The following CCDC192 variants were observed in gnomAD, a reference collection of about 807,000 sequenced individuals.
CCDC192 encodes coiled-coil domain containing 192.
intron 3 of CCDC192, among the ~76,000 whole-genome samples, chr5:127,762,584 G>A (rs1481774769): frequency 6.6e-6 from 1 of 152,156 alleles, no homozygotes; most frequent in Non-Finnish European, 1.5e-5. Flanking sequence ...TGTTGCAGGC[G>A]GGATGTGTGG....
chr5:127,744,239 G>A (rs575891936), intron 2 of CCDC192, among the ~76,000 whole-genome samples: 11 of 152,070 alleles, frequency 7.2e-5, no homozygotes, highest in African/African-American at 1.9e-4. Context: ...TGCCCAGGGT[G>A]AGGGGCTGAG....
chr5:127,826,393 A>AT (rs1687477252), intron 5 of CCDC192, among the ~76,000 whole-genome samples: 1 of 152,050 alleles, frequency 6.6e-6, no homozygotes, highest in Admixed American at 6.6e-5. Context: ...CAAAGAACTT[A>AT]AAACAGAGCT....
At chr5:127,864,956 G>A (rs1328075414) in intron 5 of CCDC192, among the ~76,000 whole-genome samples, 1 of 152,150 alleles carries the variant, frequency 6.6e-6, no homozygotes, top group South Asian at 2.1e-4. Flanking sequence ...GGCCATCCTG[G>A]CTAACATGGT....
chr5:127,932,767 G>T (rs1339919542), intron 6 of CCDC192, among the ~76,000 whole-genome samples: 2 of 152,160 alleles, frequency 1.3e-5, no homozygotes, highest in Non-Finnish European at 2.9e-5. Context: ...AAAAAGCTCT[G>T]CTTTCATGGA....
intron 5 of CCDC192, among the ~76,000 whole-genome samples, chr5:127,865,103 C>T (rs111500887): frequency 0.01 from 1,523 of 152,114 alleles, 15 homozygotes; most frequent in African/African-American, 0.035. Flanking sequence ...CCGGAGATCA[C>T]GACACTGCAC....
At chr5:127,768,374 T>C (rs986309909) in intron 3 of CCDC192, among the ~76,000 whole-genome samples, 4 of 152,156 alleles carry the variant, frequency 2.6e-5, no homozygotes, top group African/African-American at 9.7e-5. Flanking sequence ...GAGAAAGCCA[T>C]GTGAACCTGA....
chr5:127,839,698 C>T (rs1050022864), intron 5 of CCDC192, among the ~76,000 whole-genome samples: 1 of 152,028 alleles, frequency 6.6e-6, no homozygotes, highest in East Asian at 1.9e-4. Flanking sequence ...GACTGTACAG[C>T]CTCGTGACCT....
intron 3 of CCDC192, among the ~76,000 whole-genome samples, chr5:127,757,992 A>G (rs1250433086): frequency 6.6e-6 from 1 of 151,966 alleles, no homozygotes; most frequent in Non-Finnish European, 1.5e-5. Context: ...GTGAAGTAGA[A>G]TGAGGTGGGG....
At chr5:127,754,880 A>C (rs1037961046) in intron 3 of CCDC192, among the ~76,000 whole-genome samples, 2 of 152,210 alleles carry the variant, frequency 1.3e-5, no homozygotes, top group African/African-American at 4.8e-5. Context: ...GCAGGTGATA[A>C]GTGGAGCCTG....
At chr5:127,869,468 C>G (rs985258145) in intron 5 of CCDC192, among the ~76,000 whole-genome samples, 2 of 152,226 alleles carry the variant, frequency 1.3e-5, no homozygotes, top group Non-Finnish European at 2.9e-5. Flanking sequence ...GGGGAGGGAA[C>G]AGTGCCATAT....
At chr5:127,895,235 A>G (rs1315006787) in intron 6 of CCDC192, among the ~76,000 whole-genome samples, 1 of 152,128 alleles carries the variant, frequency 6.6e-6, no homozygotes, top group Admixed American at 6.5e-5. Flanking sequence ...CTTAAATGCA[A>G]TGAGTTCTCT....
intron 5 of CCDC192, among the ~76,000 whole-genome samples, chr5:127,875,049 C>A (rs986977959): frequency 6.6e-6 from 1 of 152,056 alleles, no homozygotes; most frequent in Non-Finnish European, 1.5e-5. Flanking sequence ...TACTAAATAT[C>A]AGAAAACACC....
chr5:127,706,326 A>C (rs570993304), intron 1 of CCDC192, among the ~76,000 whole-genome samples: 1 of 152,160 alleles, frequency 6.6e-6, no homozygotes, highest in African/African-American at 2.4e-5. Context: ...TAAGAGATCG[A>C]GACCATCCTG....
At chr5:127,894,421 GACCTCGTGATCCA>G (rs1392985003) in intron 6 of CCDC192, among the ~76,000 whole-genome samples, 1 of 151,906 alleles carries the variant, frequency 6.6e-6, no homozygotes, top group East Asian at 1.9e-4. Context: ...TCGATCTCCT[GACCTCGTGATCCA>G]CCCGCCTCGG....
At chr5:127,748,687 A>T (rs975523704) in intron 2 of CCDC192, among the ~76,000 whole-genome samples, 2 of 141,108 alleles carry the variant, frequency 1.4e-5, no homozygotes, top group African/African-American at 5.0e-5. Flanking sequence ...GAATCTGTAA[A>T]TTACCTTGGG....
At chr5:127,843,432 A>G (rs967045293) in intron 5 of CCDC192, among the ~76,000 whole-genome samples, 3 of 147,910 alleles carry the variant, frequency 2.0e-5, no homozygotes, top group African/African-American at 7.5e-5. Context: ...TAATTATCCA[A>G]GAATAACTCT....
intron 6 of CCDC192, among the ~76,000 whole-genome samples, chr5:127,919,944 C>A (rs922279858): frequency 6.6e-6 from 1 of 152,190 alleles, no homozygotes; most frequent in Non-Finnish European, 1.5e-5. Flanking sequence ...TGGCTAGCAG[C>A]CACTTACTCT....
intron 2 of CCDC192, among the ~76,000 whole-genome samples, chr5:127,731,145 C>G (rs182509552): frequency 6.6e-6 from 1 of 152,172 alleles, no homozygotes; most frequent in African/African-American, 2.4e-5. Context: ...GCTTCTTAAG[C>G]TGATAAGCAA....
intron 5 of CCDC192, among the ~76,000 whole-genome samples, chr5:127,819,802 G>T (rs1015108483): frequency 1.6e-4 from 24 of 152,158 alleles, no homozygotes; most frequent in Non-Finnish European, 3.4e-4. Flanking sequence ...CAAGGTTAGA[G>T]AATCATCTTT....
Sources: allele counts gnomAD v4.1 joint callset (sites outside exome capture counted in the v4.1 genomes callset), GRCh38; gene constraint gnomAD v4.1.1; transcripts MANE v1.5; gene names NCBI Gene and HGNC (gene_info 2026-07-23, HGNC 2026-07-21).